JARID2: variants seen among roughly 807,000 people sequenced by gnomAD.
The protein encoded by JARID2 is protein Jumonji.
JARID2 carries 21 observed loss-of-function variants against 125.6 expected under a neutral mutation model. That is an observed-to-expected ratio of 0.17 (90% CI 0.12 to 0.24). The LOEUF is 0.24. JARID2 is among the 10% of genes least tolerant of loss of function. The probability of loss-of-function intolerance (pLI) is 1.00; values close to 1 mark genes in which losing one functional copy is unlikely to be tolerated. For missense variants in JARID2, 1,303 were observed against 1,639.6 expected (o/e 0.79, Z 3.55); for synonymous variants, 736 against 661.6 (o/e 1.11, Z -1.73).
At chr6:15,408,297 T>C (rs2237150) in intron 2 of JARID2, among the ~76,000 whole-genome samples, 67,338 of 152,052 alleles carry the variant, frequency 0.44, 15,049 homozygotes, top group Admixed American at 0.5. Context: ...GATACATATT[T>C]ACGATGTGCA....
intron 13 of JARID2, 86 bp downstream of exon 13, chr6:15,511,487 A>G: frequency 2.2e-6 from 2 of 907,610 alleles, no homozygotes; most frequent in Middle Eastern, 3.2e-4. Flanking sequence ...CCGCCTTTCA[A>G]AGGCAATGAG....
intron 1 of JARID2, among the ~76,000 whole-genome samples, chr6:15,265,832 C>T (rs975319155): frequency 3.3e-5 from 5 of 152,188 alleles, no homozygotes; most frequent in Non-Finnish European, 5.9e-5. Context: ...GGGATTGTCC[C>T]AGCCCCTCCC....
intron 1 of JARID2, among the ~76,000 whole-genome samples, chr6:15,268,856 A>C (rs1760190047): frequency 6.6e-6 from 1 of 152,190 alleles, no homozygotes; most frequent in South Asian, 2.1e-4. Flanking sequence ...AGAACAAAAT[A>C]AAAACTTCAG....
chr6:15,261,615 C>T (rs558239484), intron 1 of JARID2, among the ~76,000 whole-genome samples: 183 of 152,210 alleles, frequency 1.2e-3, no homozygotes, highest in Admixed American at 2.8e-3. Flanking sequence ...CCACCCCGCC[C>T]GGCCTGGTGT....
chr6:15,413,893 A>G lies in JARID2; in HGVS notation c.323+3528A>G, dbSNP rs533165440. Among the ~76,000 whole-genome samples, 6 of 152,328 alleles carry G rather than the reference A, an allele frequency of 3.9e-5. No homozygotes were observed. In the South Asian group the frequency reaches 6.2e-4, roughly 16 times the overall value. Reference sequence around the variant, plus strand: ...CTCACCCTCTCAGCACTGTTGGATTAGGGATTAGGTTTCCAACACATGAAC... The same window carrying G: ...CTCACCCTCTCAGCACTGTTGGATTGGGGATTAGGTTTCCAACACATGAAC... On this transcript the variant is annotated intron_variant, in intron 3 of 17. Transcript: ENST00000341776.
At chr6:15,339,598 C>T (rs912473392) in intron 1 of JARID2, among the ~76,000 whole-genome samples, 16 of 131,596 alleles carry the variant, frequency 1.2e-4, no homozygotes, top group Admixed American at 3.5e-4. Flanking sequence ...TGCAATGGTG[C>T]GATCTCGGCT....
chr6:15,504,097 C>T (rs2127749793), intron 8 of JARID2, among the ~76,000 whole-genome samples: 1 of 152,308 alleles, frequency 6.6e-6, no homozygotes, highest in East Asian at 1.9e-4. Flanking sequence ...CGAGTTCCAT[C>T]AGGTCATAGC....
intron 6 of JARID2, among the ~76,000 whole-genome samples, chr6:15,489,231 A>G (rs961897355): frequency 6.6e-6 from 1 of 151,802 alleles, no homozygotes; most frequent in Non-Finnish European, 1.5e-5. Flanking sequence ...TGCTTTTTTG[A>G]GTTTTTTTAG....
chr6:15,498,982 T>G (rs1426870627), intron 7 of JARID2, among the ~76,000 whole-genome samples: 2 of 152,218 alleles, frequency 1.3e-5, no homozygotes, highest in Non-Finnish European at 2.9e-5. Context: ...GAGAGCACAC[T>G]TGACATCGTA....
At chr6:15,416,790 C>T (rs1766248814) in intron 3 of JARID2, among the ~76,000 whole-genome samples, 1 of 151,952 alleles carries the variant, frequency 6.6e-6, no homozygotes, top group African/African-American at 2.4e-5. Flanking sequence ...AGACTTTCAT[C>T]CTGTTCTGAA....
intron 17 of JARID2, 65 bp from the exon 18 acceptor site, chr6:15,520,004 C>A (rs112772728): frequency 7.0e-7 from 1 of 1,419,904 alleles, no homozygotes; most frequent in Non-Finnish European, 9.5e-7. Flanking sequence ...CCCTGCATGG[C>A]TCTCAGGGAC....
intron 8 of JARID2, among the ~76,000 whole-genome samples, chr6:15,502,252 G>C (rs1770776341): frequency 6.6e-6 from 1 of 152,226 alleles, no homozygotes; most frequent in African/African-American, 2.4e-5. Context: ...AGCTGTCCTG[G>C]CTCTGAAGCA....
intron 5 of JARID2, among the ~76,000 whole-genome samples, chr6:15,479,997 A>G (rs1769532824): frequency 6.6e-6 from 1 of 152,244 alleles, no homozygotes; most frequent in South Asian, 2.1e-4. Flanking sequence ...GTACAGTAAC[A>G]GGGATTTAAT....
chr6:15,297,722 G>A (rs905216240), intron 1 of JARID2, among the ~76,000 whole-genome samples: 11 of 152,050 alleles, frequency 7.2e-5, no homozygotes, highest in Non-Finnish European at 1.6e-4. Context: ...TACAGGATCT[G>A]TGGCAAATCC....
intron 2 of JARID2, among the ~76,000 whole-genome samples, chr6:15,385,563 T>C (rs1004540948): frequency 7.3e-5 from 11 of 151,676 alleles, no homozygotes; most frequent in African/African-American, 2.4e-4. Context: ...TAGATAATTA[T>C]CTAATGTGTC....
At chr6:15,283,123 C>CATGCACCA (rs1285052441) in intron 1 of JARID2, among the ~76,000 whole-genome samples, 4 of 151,086 alleles carry the variant, frequency 2.6e-5, no homozygotes, top group South Asian at 2.1e-4. Context: ...GGACTACAGG[C>CATGCACCA]GCCCGCCACC....
At position 15,445,519 on chromosome 6, in the gene JARID2, C is replaced by G. The variant is rs1048672146; in HGVS notation, c.324-6487C>G. The stretch of plus-strand genomic sequence containing the variant: ...AAAAAGAAAGTCACCTTCCATGTAG[C>G]TTAGGGAGTGGATGGATGGGGAAAG... On this transcript the variant is annotated intron_variant, in intron 3 of 17. Transcript: ENST00000341776. 1.1e-4 allele frequency among the ~76,000 whole-genome samples: 16 copies of G among 152,126 alleles called. 1 individual carries two copies. The highest frequency in any genetic ancestry group is 3.9e-4 in the African/African-American group (16 of 41,424).
At chr6:15,436,134 C>G (rs992920752) in intron 3 of JARID2, among the ~76,000 whole-genome samples, 1 of 152,146 alleles carries the variant, frequency 6.6e-6, no homozygotes, top group Non-Finnish European at 1.5e-5. Flanking sequence ...AGTTTGCTGT[C>G]TATAGGCGGC....
At chr6:15,435,966 C>T (rs924964225) in intron 3 of JARID2, among the ~76,000 whole-genome samples, 4 of 152,004 alleles carry the variant, frequency 2.6e-5, no homozygotes, top group Admixed American at 6.6e-5. Flanking sequence ...TCAGGGCGTG[C>T]GATGGAGGAG....
Sources: gnomAD v4.1 joint callset for allele counts (sites outside exome capture counted in the v4.1 genomes callset) on GRCh38, gnomAD v4.1.1 for gene constraint, MANE v1.5 for transcripts, NCBI Gene and HGNC (gene_info 2026-07-23, HGNC 2026-07-21) for gene names.